KIT: variants seen among roughly 807,000 people sequenced by gnomAD.
KIT encodes the protein mast/stem cell growth factor receptor Kit.
KIT carries 16 observed loss-of-function variants against 105.7 expected under a neutral mutation model. The ratio of observed to expected loss-of-function variants is 0.15; its 90% CI spans 0.10 to 0.23. KIT has a LOEUF of 0.23. Ranked by LOEUF, KIT falls within the 10% of genes least tolerant of loss-of-function variation. The probability of loss-of-function intolerance (pLI) is 1.00; values close to 1 mark genes in which losing one functional copy is unlikely to be tolerated. For synonymous variants in KIT, 438 were observed against 441.1 expected (o/e 0.99, Z 0.09); for missense variants, 858 against 1,213.8 (o/e 0.71, Z 4.36).
chr4:54,689,940 A>G (rs1443306518), intron 1 of KIT, among the ~76,000 whole-genome samples: 1 of 151,878 alleles, frequency 6.6e-6, no homozygotes, highest in Non-Finnish European at 1.5e-5. Flanking sequence ...AGCCTATCCT[A>G]TGTACGTCAT....
At chr4:54,727,166 A>C in intron 9 of KIT, 52 bp from the exon 10 acceptor site, 13 of 1,486,278 alleles carry the variant, frequency 8.7e-6, no homozygotes, top group Non-Finnish European at 1.1e-5. Context: ...TGGCTGTGGT[A>C]GAGATCCCAT....
chr4:54,662,061 G>T (rs1451493574), intron 1 of KIT, among the ~76,000 whole-genome samples: 2 of 152,134 alleles, frequency 1.3e-5, no homozygotes, highest in African/African-American at 2.4e-5. Context: ...TTTAAATCAA[G>T]ATCTCTATTT....
rs1297144150 is a variant in KIT, at chr4:54,727,248, C to T, written c.1571C>T (p.Pro524Leu). The T allele has an allele frequency of 6.2e-7, 1 of 1,614,138 alleles. No individual in the cohort carries two copies. The highest frequency in any genetic ancestry group is 2.2e-5 in the East Asian group (1 of 44,886). ...EQIHPHTLFT[P>L]LLIGFVIVAG... is the part of the protein sequence containing the mutation. ...ATCCATCCCCACACCCTGTTCACTC[C>T]TTTGCTGATTGGTTTCGTAATCGTA... is the stretch of plus-strand genomic sequence containing the variant. The change falls in exon 10 of 21, where the codon CCT becomes CTT. Residue 524 changes from proline (P) to leucine (L), a missense_variant. By Grantham distance (98) the Pro-to-Leu change is moderately conservative. This residue lies in a region of KIT where 78 missense variants were observed against 77.6 expected (regional missense o/e 1.01). Coordinates refer to ENST00000288135, the MANE Select transcript of KIT (RefSeq NM_000222.3).
intron 1 of KIT, among the ~76,000 whole-genome samples, chr4:54,672,447 A>G (rs918578707): frequency 6.6e-6 from 1 of 152,028 alleles, no homozygotes; most frequent in Non-Finnish European, 1.5e-5. Context: ...CTTCAGACTG[A>G]TACCTTTCTA....
chr4:54,692,796 T>C (rs1339219114), intron 1 of KIT, among the ~76,000 whole-genome samples: 2 of 152,204 alleles, frequency 1.3e-5, no homozygotes, highest in South Asian at 2.1e-4. Context: ...CTGTAGCCTT[T>C]ATGACGTTGT....
chr4:54,728,696 A>T (rs1158745101), intron 13 of KIT, among the ~76,000 whole-genome samples: 1 of 152,230 alleles, frequency 6.6e-6, no homozygotes, highest in Admixed American at 6.5e-5. Context: ...ACAGCCTTAT[A>T]TCATGTCTTC....
At chr4:54,689,945 C>T (rs532169471) in intron 1 of KIT, among the ~76,000 whole-genome samples, 7 of 151,958 alleles carry the variant, frequency 4.6e-5, no homozygotes, top group African/African-American at 7.3e-5. Context: ...ATCCTATGTA[C>T]GTCATATAAC....
rs113934133 is a variant in KIT, at chr4:54,730,104, G to A, written c.2141+619G>A. ...TGATGCCATTCTGAATTTGAATCAT[G>A]TATAAAGAGCTTTGAGTTTGACTTA... On this transcript the variant is annotated intron_variant, in intron 14 of 20. Coordinates refer to ENST00000288135, the MANE Select transcript of KIT (RefSeq NM_000222.3). Among the ~76,000 whole-genome samples, 1,332 of 152,174 alleles carry A rather than the reference G, an allele frequency of 8.8e-3. 24 individuals are homozygous for A. Among genetic ancestry groups the A allele is most frequent in the African/African-American group, 0.03 (1,248 of 41,550 alleles).
intron 17 of KIT, 95 bp downstream of exon 17, chr4:54,733,287 C>T (rs1314231051): frequency 1.2e-5 from 16 of 1,372,428 alleles, no homozygotes; most frequent in Non-Finnish European, 1.6e-5. Flanking sequence ...AATGTAAATC[C>T]TGTCTAGGGA....
intron 5 of KIT, among the ~76,000 whole-genome samples, chr4:54,705,241 C>T (rs1480431603): frequency 6.6e-6 from 1 of 152,122 alleles, no homozygotes; most frequent in Non-Finnish European, 1.5e-5. Flanking sequence ...CAAGAATTAT[C>T]ACTGTATGAC....
rs979257106 is a variant in KIT, at chr4:54,739,688, A to G, written c.*1131A>G. ...TGTATGTACGTTTGTATGTGTGTAG[A>G]CAAATATTTGGAGGGGTATTTTTGC... On this transcript the variant is annotated 3_prime_UTR_variant, in exon 21 of 21. Transcript: ENST00000288135. 7 of 233,486 alleles carry G rather than the reference A, an allele frequency of 3.0e-5. No homozygotes were observed. Among genetic ancestry groups the G allele is most frequent in the Non-Finnish European group, 5.9e-5 (7 of 117,972 alleles). 14.5% of individuals were successfully genotyped at this position (233,486 alleles called of 1,614,324 possible).
In KIT at chr4:54,737,265, A is replaced by G. The variant is rs2109814160; in HGVS notation, c.2787A>G (p.Ser929=). The G allele has an allele frequency of 1.2e-6, 2 of 1,611,190 alleles. No homozygotes were observed. The highest frequency in any genetic ancestry group is 1.7e-6 in the Non-Finnish European group (2 of 1,177,284). ...QIVQLIEKQI[S]ESTNHIYSNL... ...TTCAGCTAATTGAGAAGCAGATTTC[A>G]GAGAGCACCAATCATGTGAGTATAC... is the stretch of plus-strand genomic sequence containing the variant. Residue 929 remains serine, a synonymous_variant, in exon 20 of 21, where the codon TCA becomes TCG. Transcript: ENST00000288135.
chr4:54,684,273 C>A (rs1719153822), intron 1 of KIT, among the ~76,000 whole-genome samples: 1 of 152,058 alleles, frequency 6.6e-6, no homozygotes, highest in Non-Finnish European at 1.5e-5. Context: ...CCTTGGCGAA[C>A]CTGGGAAACA....
chr4:54,719,382 T>C (rs1396418796), intron 7 of KIT, among the ~76,000 whole-genome samples: 1 of 152,182 alleles, frequency 6.6e-6, no homozygotes, highest in Non-Finnish European at 1.5e-5. Flanking sequence ...TGGATGGTGA[T>C]GAAAAGGAAT....
At chr4:54,673,053 G>T (rs964497663) in intron 1 of KIT, among the ~76,000 whole-genome samples, 6 of 152,220 alleles carry the variant, frequency 3.9e-5, no homozygotes, top group African/African-American at 1.4e-4. Context: ...TGGTATGTTT[G>T]CCTAGATACC....
rs2109822725 is a variant in KIT, at chr4:54,739,588, T to C, written c.*1031T>C. On this transcript the variant is annotated 3_prime_UTR_variant, in exon 21 of 21. Transcript: ENST00000288135. ...ACTGCCATCTTAGTTTGGATTCTTA[T>C]GTAGCAGGAAATAAAGTATAGGTTT... The C allele has an allele frequency of 8.6e-6, 2 of 233,554 alleles. No homozygotes were observed. The highest frequency in any genetic ancestry group is 6.0e-5 in the East Asian group (1 of 16,558). The allele number at this position is 233,554 out of a possible 1,614,324, so 14.5% of individuals were successfully genotyped here.
At position 54,731,858 on chromosome 4, in the gene KIT, C is replaced by T. The variant is rs200731869; in HGVS notation, c.2234-13C>T. 6.2e-7 allele frequency: 1 copy of T among 1,613,142 alleles called. No individual in the cohort carries two copies. Among genetic ancestry groups the T allele is most frequent in the Admixed American group, 1.7e-5 (1 of 59,970 alleles). ...GGTTGTAATTGCTAAGAAAAATCCTCTCTTCCTCACAGGCTCATACATAGA... is the reference window on the plus strand; with the variant it reads ...GGTTGTAATTGCTAAGAAAAATCCTTTCTTCCTCACAGGCTCATACATAGA... On this transcript the variant is annotated splice_polypyrimidine_tract_variant and intron_variant, in intron 15 of 20. Transcript: ENST00000288135.
chr4:54,691,830 G>A (rs1719732284), intron 1 of KIT, among the ~76,000 whole-genome samples: 1 of 152,088 alleles, frequency 6.6e-6, no homozygotes, highest in Non-Finnish European at 1.5e-5. Flanking sequence ...TGGAACAGCA[G>A]GAATGGAAGG....
chr4:54,737,035 G>T, intron 19 of KIT, 140 bp from the exon 20 acceptor site: 1 of 733,104 alleles, frequency 1.4e-6, no homozygotes, highest in South Asian at 1.5e-5. Flanking sequence ...CATACATGCA[G>T]TGTTTTATGT....
Sources: allele counts gnomAD v4.1 joint callset (sites outside exome capture counted in the v4.1 genomes callset), GRCh38; gene constraint gnomAD v4.1.1; regional missense constraint gnomAD v4.1.1; transcripts MANE v1.5; gene names NCBI Gene and HGNC (gene_info 2026-07-23, HGNC 2026-07-21).